The following RBMS3 variants were observed in gnomAD, a reference collection of about 807,000 sequenced individuals.
RBMS3 encodes RNA-binding motif, single-stranded-interacting protein 3.
RBMS3 carries 27 observed loss-of-function variants against 66.8 expected under a neutral mutation model. The ratio of observed to expected loss-of-function variants is 0.40; its 90% CI spans 0.30 to 0.56. RBMS3 has a LOEUF of 0.56. Among genes scored for constraint, RBMS3 ranks in the 20% least tolerant of loss-of-function variants. The pLI is 0.40. For missense variants in RBMS3, 513 were observed against 549.5 expected (o/e 0.93, Z 0.66); for synonymous variants, 188 against 183.0 (o/e 1.03, Z -0.22).
chr3:29,679,226 T>G (rs534126703), intron 4 of RBMS3, among the ~76,000 whole-genome samples: 38 of 152,178 alleles, frequency 2.5e-4, no homozygotes, highest in Admixed American at 1.0e-3. Flanking sequence ...TTGATTACTC[T>G]TTACTTGTGA....
intron 3 of RBMS3, among the ~76,000 whole-genome samples, chr3:29,529,106 A>AG (rs536647364): frequency 2.2e-3 from 341 of 152,288 alleles, no homozygotes; most frequent in Non-Finnish European, 3.4e-3. Flanking sequence ...GTTGTCTTCG[A>AG]GAAAAAATAA....
intron 3 of RBMS3, among the ~76,000 whole-genome samples, chr3:29,494,864 C>T (rs2043681785): frequency 6.8e-6 from 1 of 147,616 alleles, no homozygotes; most frequent in Non-Finnish European, 1.5e-5. Flanking sequence ...AATGGATATT[C>T]CGTAGAAAGT....
chr3:29,600,329 T>C (rs961451028), intron 4 of RBMS3, among the ~76,000 whole-genome samples: 2 of 152,018 alleles, frequency 1.3e-5, no homozygotes, highest in African/African-American at 4.8e-5. Flanking sequence ...CTTGGTGCTC[T>C]CCTAACAGTA....
At chr3:29,885,073 C>T (rs2059837439) in intron 8 of RBMS3, among the ~76,000 whole-genome samples, 1 of 151,822 alleles carries the variant, frequency 6.6e-6, no homozygotes, top group Non-Finnish European at 1.5e-5. Flanking sequence ...ATAATTACCT[C>T]TTATTCTTAT....
chr3:29,454,745 A>T (rs1198024460), intron 2 of RBMS3, among the ~76,000 whole-genome samples: 1 of 152,040 alleles, frequency 6.6e-6, no homozygotes, highest in Non-Finnish European at 1.5e-5. Flanking sequence ...TACAGTGATA[A>T]CTCTTTTACT....
intron 4 of RBMS3, among the ~76,000 whole-genome samples, chr3:29,615,470 G>GCACA (rs112880454): frequency 0.027 from 3,880 of 144,480 alleles, 47 homozygotes; most frequent in Middle Eastern, 0.053. Context: ...ACTACAGTTA[G>GCACA]CACACACACA....
chr3:29,864,543 A>G (rs149380044), intron 6 of RBMS3, among the ~76,000 whole-genome samples: 8 of 152,246 alleles, frequency 5.3e-5, no homozygotes, highest in Admixed American at 4.6e-4. Context: ...CGAAGCCTCT[A>G]TGGAGTTAAA....
intron 6 of RBMS3, among the ~76,000 whole-genome samples, chr3:29,780,383 A>G (rs2056588555): frequency 6.6e-6 from 1 of 151,836 alleles, no homozygotes; most frequent in Non-Finnish European, 1.5e-5. Context: ...TGAGAATATT[A>G]AACATTTGTC....
intron 3 of RBMS3, among the ~76,000 whole-genome samples, chr3:29,497,445 G>A (rs549152379): frequency 1.6e-4 from 25 of 152,282 alleles, no homozygotes; most frequent in African/African-American, 6.0e-4. Context: ...AGAAACTGTC[G>A]TCCAGGTATT....
At chr3:29,850,908 C>T (rs1036862752) in intron 6 of RBMS3, among the ~76,000 whole-genome samples, 1 of 152,174 alleles carries the variant, frequency 6.6e-6, no homozygotes, top group South Asian at 2.1e-4. Flanking sequence ...CATCACCCTC[C>T]CCCTTTTTCA....
chr3:29,948,063 A>G (rs1695439546), intron 12 of RBMS3, among the ~76,000 whole-genome samples: 1 of 151,624 alleles, frequency 6.6e-6, no homozygotes, highest in African/African-American at 2.4e-5. Context: ...TCTTTGCTCT[A>G]ACCTTTTATG....
intron 3 of RBMS3, among the ~76,000 whole-genome samples, chr3:29,563,564 G>A (rs139719093): frequency 4.6e-5 from 7 of 152,070 alleles, no homozygotes; most frequent in East Asian, 1.9e-4. Flanking sequence ...CTAATTACAC[G>A]GGAACAAAAC....
chr3:29,414,216 G>T (rs181985146), intron 1 of RBMS3, among the ~76,000 whole-genome samples: 2 of 152,138 alleles, frequency 1.3e-5, no homozygotes, highest in African/African-American at 4.8e-5. Flanking sequence ...AAACAAAAAG[G>T]TCTTGAACTG....
At chr3:29,566,209 A>C (rs1172359052) in intron 3 of RBMS3, among the ~76,000 whole-genome samples, 1 of 152,130 alleles carries the variant, frequency 6.6e-6, no homozygotes, top group Non-Finnish European at 1.5e-5. Flanking sequence ...TATAATAATC[A>C]TATAAACAAA....
intron 3 of RBMS3, among the ~76,000 whole-genome samples, chr3:29,544,705 G>GTGT (rs2045883609): frequency 6.6e-6 from 1 of 151,870 alleles, no homozygotes; most frequent in African/African-American, 2.4e-5. Flanking sequence ...GTAAATGTGT[G>GTGT]TGTGTGTGTG....
chr3:29,350,828 C>T (rs976379326), intron 1 of RBMS3, among the ~76,000 whole-genome samples: 2 of 150,678 alleles, frequency 1.3e-5, no homozygotes, highest in Non-Finnish European at 3.0e-5. Flanking sequence ...AGCCTTTTGC[C>T]ATAAAAGGTA....
intron 2 of RBMS3, among the ~76,000 whole-genome samples, chr3:29,486,796 G>C (rs141237030): frequency 2.1e-3 from 319 of 152,218 alleles, no homozygotes; most frequent in African/African-American, 7.4e-3. Flanking sequence ...TTAAGACAGA[G>C]CTAAATTTCA....
chr3:29,407,161 C>T (rs560104115), intron 1 of RBMS3, among the ~76,000 whole-genome samples: 40 of 152,264 alleles, frequency 2.6e-4, no homozygotes, highest in African/African-American at 8.2e-4. Context: ...ATAACAATGA[C>T]CAACAATCAC....
intron 3 of RBMS3, among the ~76,000 whole-genome samples, chr3:29,536,815 G>A (rs1044004250): frequency 1.3e-5 from 2 of 152,180 alleles, no homozygotes; most frequent in African/African-American, 2.4e-5. Context: ...TGCTACTTAG[G>A]ATGACAAAAG....
Sources: gnomAD v4.1 joint callset for allele counts (sites outside exome capture counted in the v4.1 genomes callset) on GRCh38, gnomAD v4.1.1 for gene constraint, MANE v1.5 for transcripts, NCBI Gene and HGNC (gene_info 2026-07-23, HGNC 2026-07-21) for gene names.